Variants in COPG2 observed in about 807,000 individuals in gnomAD.
COPG2 encodes the protein coatomer subunit gamma-2.
A neutral mutation model predicts 46.3 loss-of-function variants in COPG2; 37 were observed. The observed-to-expected ratio is 0.80, with a 90% CI of 0.61 to 1.05. COPG2 has a LOEUF of 1.05. Among genes scored for constraint, COPG2 ranks in the 50% least tolerant of loss-of-function variants. COPG2 has a pLI of 0.00. For synonymous variants in COPG2, 159 were observed against 129.7 expected (o/e 1.23, Z -1.53); for missense variants, 427 against 387.8 (o/e 1.10, Z -0.85).
intron 5 of COPG2, among the ~76,000 whole-genome samples, chr7:130,629,951 CTT>C (rs1450204084): frequency 2.7e-5 from 4 of 147,752 alleles, no homozygotes; most frequent in Non-Finnish European, 6.0e-5. Flanking sequence ...GAGTTTCGCT[CTT>C]GTCGCCCAGG....
At chr7:130,557,000 G>A (rs1793637055) in intron 12 of COPG2, among the ~76,000 whole-genome samples, 1 of 152,114 alleles carries the variant, frequency 6.6e-6, no homozygotes, top group African/African-American at 2.4e-5. Context: ...GCATTATTCT[G>A]GAGATATTAG....
chr7:130,512,399 T>C (rs1449347807), intron 20 of COPG2, among the ~76,000 whole-genome samples: 5 of 151,692 alleles, frequency 3.3e-5, no homozygotes, highest in African/African-American at 1.2e-4. Flanking sequence ...TGTGAACATG[T>C]AGTTTGTCCA....
chr7:130,514,454 TAAAGTTACTCTTA>T (rs1201855913), intron 20 of COPG2, among the ~76,000 whole-genome samples: 1 of 152,200 alleles, frequency 6.6e-6, no homozygotes, highest in Non-Finnish European at 1.5e-5. Context: ...AGTGCGGTAT[TAAAGTTACTCTTA>T]GAAGTTACTC....
At chr7:130,634,482 T>C (rs1795296107) in intron 5 of COPG2, among the ~76,000 whole-genome samples, 1 of 152,194 alleles carries the variant, frequency 6.6e-6, no homozygotes, top group African/African-American at 2.4e-5. Flanking sequence ...TTTGTAGCAA[T>C]TGTGAATGGG....
chr7:130,637,628 C>T (rs1018676397), intron 5 of COPG2, among the ~76,000 whole-genome samples: 16 of 152,194 alleles, frequency 1.1e-4, no homozygotes, highest in Middle Eastern at 3.4e-3. Flanking sequence ...CTCCTCTAAC[C>T]TTTTTTCAAG....
intron 7 of COPG2, among the ~76,000 whole-genome samples, chr7:130,612,822 G>T (rs914815031): frequency 1.3e-5 from 2 of 152,150 alleles, no homozygotes; most frequent in African/African-American, 4.8e-5. Flanking sequence ...TGGATTGAAG[G>T]ATACACGTAG....
At chr7:130,509,915 A>C in intron 20 of COPG2, 1 of 475,982 alleles carries the variant, frequency 2.1e-6, no homozygotes, top group South Asian at 1.5e-5. Flanking sequence ...GATGCAAAAG[A>C]GCTTTGGCAA....
At chr7:130,651,254 C>T (rs1162602947) in intron 5 of COPG2, among the ~76,000 whole-genome samples, 1 of 152,024 alleles carries the variant, frequency 6.6e-6, no homozygotes, top group Non-Finnish European at 1.5e-5. Flanking sequence ...ATATCAGCCA[C>T]AATCCCAACT....
chr7:130,531,858 G>A (rs976080359), intron 20 of COPG2, among the ~76,000 whole-genome samples: 38 of 151,932 alleles, frequency 2.5e-4, no homozygotes, highest in African/African-American at 8.0e-4. Context: ...GGTTTCACCC[G>A]AGGGAGGGCT....
At chr7:130,553,511 T>C (rs1455135193) in intron 14 of COPG2, among the ~76,000 whole-genome samples, 2 of 152,066 alleles carry the variant, frequency 1.3e-5, no homozygotes, top group South Asian at 2.1e-4. Context: ...AAAGAACAGA[T>C]AGGGGCTGTA....
chr7:130,615,731 G>T (rs1280979536), intron 6 of COPG2, among the ~76,000 whole-genome samples: 1 of 152,190 alleles, frequency 6.6e-6, no homozygotes, highest in Non-Finnish European at 1.5e-5. Flanking sequence ...TGAATGATCT[G>T]TATTTCACAA....
At chr7:130,648,507 C>T (rs541685922) in intron 5 of COPG2, among the ~76,000 whole-genome samples, 2 of 152,300 alleles carry the variant, frequency 1.3e-5, no homozygotes, top group African/African-American at 4.8e-5. Flanking sequence ...GTGGGTGAGA[C>T]TCTTGGTATA....
intron 20 of COPG2, among the ~76,000 whole-genome samples, chr7:130,543,712 GT>G (rs1793381356): frequency 6.6e-6 from 1 of 152,172 alleles, no homozygotes; most frequent in Non-Finnish European, 1.5e-5. Context: ...ATAGAGCAGG[GT>G]TTTGTTTTGT....
At chr7:130,612,714 T>A (rs1246268054) in intron 7 of COPG2, among the ~76,000 whole-genome samples, 2 of 152,300 alleles carry the variant, frequency 1.3e-5, no homozygotes, top group East Asian at 3.9e-4. Context: ...TAGGTTTTAA[T>A]GTATAAATTG....
At chr7:130,543,533 A>G (rs896070705) in intron 20 of COPG2, among the ~76,000 whole-genome samples, 2 of 152,224 alleles carry the variant, frequency 1.3e-5, no homozygotes, top group Non-Finnish European at 2.9e-5. Flanking sequence ...TTCATCAGCA[A>G]TCCTCAGAAT....
intron 20 of COPG2, among the ~76,000 whole-genome samples, chr7:130,530,276 G>A (rs1220184669): frequency 1.3e-5 from 2 of 152,122 alleles, no homozygotes; most frequent in African/African-American, 4.8e-5. Context: ...CACTGGGGCT[G>A]CATCTGAGGT....
intron 9 of COPG2, chr7:130,607,631 T>C: frequency 3.9e-6 from 2 of 509,230 alleles, no homozygotes; most frequent in Non-Finnish European, 7.8e-6. Context: ...TGTATATATG[T>C]AGTTCAGTTG....
At chr7:130,593,910 T>C (rs540273203) in intron 9 of COPG2, among the ~76,000 whole-genome samples, 101 of 152,314 alleles carry the variant, frequency 6.6e-4, no homozygotes, top group South Asian at 5.6e-3. Flanking sequence ...AAACACATTA[T>C]TTCTAAAGTA....
Position 130,553,330 on chromosome 7 carries a change from C to T in COPG2, c.1469-900G>A, listed in dbSNP as rs907904811. On this transcript the variant is annotated intron_variant, in intron 14 of 23. Coordinates refer to ENST00000425248, the MANE Select transcript of COPG2 (RefSeq NM_012133.6). ...ATAAATTTGTACATTTGAAAGTCCC[C>T]CCCGCCTTTTCTTTTTTTTTTAGCA... Among the ~76,000 whole-genome samples the T allele has an allele frequency of 7.7e-3, 1,164 of 151,806 alleles. 10 individuals carry two copies. The highest frequency in any genetic ancestry group is 0.011 in the Non-Finnish European group (779 of 67,904).
Sources: gnomAD v4.1 joint callset for allele counts (sites outside exome capture counted in the v4.1 genomes callset) on GRCh38, gnomAD v4.1.1 for gene constraint, MANE v1.5 for transcripts, NCBI Gene and HGNC (gene_info 2026-07-23, HGNC 2026-07-21) for gene names.